The following SEPTIN11 variants were observed in gnomAD, a reference collection of about 807,000 sequenced individuals.
SEPTIN11 encodes the protein septin-11.
Under a neutral mutation model 51.4 loss-of-function variants are expected in SEPTIN11, and 25 were observed. The observed-to-expected ratio is 0.49, with a 90% CI of 0.35 to 0.68. The LOEUF is 0.68. Among genes scored for constraint, SEPTIN11 ranks in the 30% least tolerant of loss-of-function variants. The probability of loss-of-function intolerance (pLI) is 0.00; values close to 1 mark genes in which losing one functional copy is unlikely to be tolerated. For synonymous variants in SEPTIN11, 174 were observed against 184.1 expected (o/e 0.95, Z 0.44); for missense variants, 381 against 520.8 (o/e 0.73, Z 2.61).
chr4:76,973,024 T>C (rs1190760810), intron 1 of SEPTIN11: 1 of 152,174 alleles, frequency 6.6e-6, no homozygotes, highest in Non-Finnish European at 1.5e-5. Flanking sequence ...CCAAATGTGA[T>C]GTTACACATT....
chr4:76,980,014 T>C (rs1722692260), intron 1 of SEPTIN11, among the ~76,000 whole-genome samples: 1 of 152,168 alleles, frequency 6.6e-6, no homozygotes, highest in Non-Finnish European at 1.5e-5. Context: ...CTTAGTATTG[T>C]GGTCTTTTCA....
chr4:77,032,692 A>C (rs762488950), intron 9 of SEPTIN11, among the ~76,000 whole-genome samples: 31 of 152,378 alleles, frequency 2.0e-4, no homozygotes, highest in Non-Finnish European at 3.8e-4. Context: ...CACTCAGTGC[A>C]TAAAGGTTCA....
At chr4:76,972,422 A>T (rs1253459698) in intron 1 of SEPTIN11, 4 of 152,232 alleles carry the variant, frequency 2.6e-5, no homozygotes, top group African/African-American at 4.8e-5. Flanking sequence ...GCTAAGAAAC[A>T]CAGTTCATTC....
At chr4:76,995,582 C>T (rs1035081443) in intron 1 of SEPTIN11, among the ~76,000 whole-genome samples, 1 of 152,042 alleles carries the variant, frequency 6.6e-6, no homozygotes, top group African/African-American at 2.4e-5. Context: ...GATATTATAA[C>T]TGAGGGACTG....
chr4:77,005,524 TAAA>T, intron 2 of SEPTIN11, 74 bp from the exon 3 acceptor site: 1 of 1,307,246 alleles, frequency 7.6e-7, no homozygotes, highest in Non-Finnish European at 1.1e-6. Flanking sequence ...TCATGACTAA[TAAA>T]AAATACTGAT....
At chr4:76,973,078 G>C (rs922334912) in intron 1 of SEPTIN11, 1 of 151,110 alleles carries the variant, frequency 6.6e-6, no homozygotes, top group Non-Finnish European at 1.5e-5. Flanking sequence ...GTGGTGAGTA[G>C]TTGAAGTCAG....
chr4:77,024,585 A>G lies in SEPTIN11; in HGVS notation c.953+3915A>G, dbSNP rs1208591425. Among the ~76,000 whole-genome samples, 1 of 152,114 alleles carries G rather than the reference A, an allele frequency of 6.6e-6. No individual in the cohort carries two copies. Among genetic ancestry groups the G allele is most frequent in the Admixed American group, 6.5e-5 (1 of 15,276 alleles). ...CCAAGCTGCTCCCATCTCACCTCAG[A>G]ACACCACCGTCTCCTTGCTTCACCC... is the stretch of plus-strand genomic sequence containing the variant. On this transcript the variant is annotated intron_variant, in intron 7 of 9. Transcript: ENST00000264893. The surrounding 1 kb of genome is among the most constrained non-coding windows in gnomAD (Gnocchi z 4.2).
chr4:77,020,725 G>A (rs759914490), intron 7 of SEPTIN11, 55 bp downstream of exon 7: 2 of 1,530,464 alleles, frequency 1.3e-6, no homozygotes, highest in East Asian at 2.3e-5. Context: ...GAGTGGCATG[G>A]TGGTACATCA....
At chr4:77,014,233 G>T (rs1725062934) in intron 4 of SEPTIN11, among the ~76,000 whole-genome samples, 1 of 152,180 alleles carries the variant, frequency 6.6e-6, no homozygotes, top group Non-Finnish European at 1.5e-5. Context: ...AAATTTTACA[G>T]TGGGCAACAC....
intron 4 of SEPTIN11, among the ~76,000 whole-genome samples, chr4:77,013,706 A>G (rs997644195): frequency 1.8e-4 from 28 of 152,216 alleles, no homozygotes; most frequent in African/African-American, 6.5e-4. Context: ...TTCTCTCAGC[A>G]TGTCATCTCA....
At chr4:77,018,245 T>C (rs1033479086) in intron 5 of SEPTIN11, among the ~76,000 whole-genome samples, 1 of 152,048 alleles carries the variant, frequency 6.6e-6, no homozygotes, top group Non-Finnish European at 1.5e-5. Flanking sequence ...GGTCAGGAGA[T>C]CGAGACCATC....
chr4:76,955,610 T>G (rs757081399), intron 1 of SEPTIN11, among the ~76,000 whole-genome samples: 16 of 152,220 alleles, frequency 1.1e-4, no homozygotes, highest in Non-Finnish European at 2.2e-4. Flanking sequence ...TTAAGATATC[T>G]CAGATCCTTG....
chr4:77,008,805 C>T (rs1280724788), intron 3 of SEPTIN11, among the ~76,000 whole-genome samples: 1 of 152,112 alleles, frequency 6.6e-6, no homozygotes, highest in East Asian at 1.9e-4. Context: ...GATTTGTCCT[C>T]CTGTCTTTCC....
intron 1 of SEPTIN11, among the ~76,000 whole-genome samples, chr4:76,950,760 G>A (rs1237129908): frequency 6.6e-6 from 1 of 152,146 alleles, no homozygotes; most frequent in African/African-American, 2.4e-5. Context: ...GGGCCGGGCC[G>A]GAGGGGAGCG....
chr4:77,036,822 G>A lies in SEPTIN11; in HGVS notation c.*2310G>A, dbSNP rs959965430. On this transcript the variant is annotated 3_prime_UTR_variant, in exon 10 of 10. Coordinates refer to ENST00000264893, the MANE Select transcript of SEPTIN11 (RefSeq NM_018243.4). The stretch of plus-strand genomic sequence containing the variant: ...GATACCCTCAAATCTAATTGGATGT[G>A]CTTTCGCCTTTGCATGTAAGTACGG... The A allele has an allele frequency of 1.1e-5, 16 of 1,523,750 alleles. No homozygotes were observed. Among genetic ancestry groups the A allele is most frequent in the Non-Finnish European group, 1.2e-5 (14 of 1,143,580 alleles). The allele number at this position is 1,523,750 out of a possible 1,614,324, so 94.4% of individuals were successfully genotyped here.
chr4:77,026,697 TAGAA>T (rs1314093380), intron 7 of SEPTIN11, among the ~76,000 whole-genome samples: 3 of 152,190 alleles, frequency 2.0e-5, no homozygotes, highest in African/African-American at 4.8e-5. Context: ...CATTGTTTGT[TAGAA>T]AGAAGAGGGA....
chr4:76,982,839 G>A (rs1458063332), intron 1 of SEPTIN11, among the ~76,000 whole-genome samples: 2 of 152,150 alleles, frequency 1.3e-5, no homozygotes, highest in Non-Finnish European at 2.9e-5. Context: ...CAGATTCAGT[G>A]TAAAAGGTTT....
chr4:76,995,084 C>CT (rs1468414324), intron 1 of SEPTIN11, among the ~76,000 whole-genome samples: 1 of 96,320 alleles, frequency 1.0e-5, no homozygotes, highest in Non-Finnish European at 2.4e-5. Flanking sequence ...AACCCTGTCT[C>CT]TAAAAAAAAA....
chr4:76,958,655 C>T (rs1024656879), intron 1 of SEPTIN11, among the ~76,000 whole-genome samples: 2 of 152,088 alleles, frequency 1.3e-5, no homozygotes. Flanking sequence ...TTAAAAAATA[C>T]TCAGAACAAA....
Sources: allele counts gnomAD v4.1 joint callset (sites outside exome capture counted in the v4.1 genomes callset), GRCh38; gene constraint gnomAD v4.1.1; non-coding constraint Gnocchi (gnomAD v3.1); transcripts MANE v1.5; gene names NCBI Gene and HGNC (gene_info 2026-07-23, HGNC 2026-07-21).